Variants in ANO1 observed in about 807,000 individuals in gnomAD.
The protein encoded by ANO1 is anoctamin 1, also known as anoctamin-1.
In ANO1, 59 loss-of-function variants were observed where a neutral mutation model predicts 124.0. The observed-to-expected ratio is 0.48, with a 90% CI of 0.39 to 0.59. ANO1 has a LOEUF of 0.59. ANO1 is among the 20% of genes least tolerant of loss of function. The pLI, the probability that ANO1 is intolerant of heterozygous loss-of-function variation, is 0.00. For synonymous variants in ANO1, 529 were observed against 532.0 expected (o/e 0.99, Z 0.08); for missense variants, 1,059 against 1,328.0 (o/e 0.80, Z 3.15).
At chr11:70,007,378 G>A (rs1555000264) in intron 1 of ANO1, among the ~76,000 whole-genome samples, 3 of 149,458 alleles carry the variant, frequency 2.0e-5, no homozygotes, top group South Asian at 4.3e-4. Context: ...CCGGGTTCAC[G>A]CCATTCTCCT....
chr11:70,002,461 C>CAAAAAAA (rs56246522), intron 1 of ANO1, among the ~76,000 whole-genome samples: 1 of 94,956 alleles, frequency 1.1e-5, no homozygotes, highest in African/African-American at 3.6e-5. Flanking sequence ...GAGACTCCAC[C>CAAAAAAA]AAAAAAAAAA....
intron 2 of ANO1, among the ~76,000 whole-genome samples, chr11:70,098,331 C>T (rs1226065394): frequency 1.3e-5 from 2 of 152,204 alleles, no homozygotes; most frequent in African/African-American, 4.8e-5. Flanking sequence ...CCTGGGCTTT[C>T]CCCTGCACCC....
intron 1 of ANO1, among the ~76,000 whole-genome samples, chr11:70,014,410 C>T (rs1379449217): frequency 6.6e-6 from 1 of 152,132 alleles, no homozygotes; most frequent in African/African-American, 2.4e-5. Flanking sequence ...AGAGCTTATC[C>T]TTGTGTGCCC....
chr11:69,987,105 G>A (rs1399715784), intron 1 of ANO1, among the ~76,000 whole-genome samples: 1 of 152,130 alleles, frequency 6.6e-6, no homozygotes, highest in African/African-American at 2.4e-5. Flanking sequence ...GCCGGGTCTG[G>A]CTTCTTTCTA....
rs1226540367 is a variant in ANO1, at chr11:70,145,219, C to T, written c.1259-4491C>T. ...CCAGCTTTGAGGACTGGCCACCAGG[C>T]GCAGCACGAGCCTTCACATTCCTTT... On this transcript the variant is annotated intron_variant, in intron 11 of 25. Coordinates refer to ENST00000355303, the MANE Select transcript of ANO1 (RefSeq NM_018043.7). 2.6e-5 allele frequency among the ~76,000 whole-genome samples: 4 copies of T among 152,272 alleles called. No homozygotes were observed. The South Asian group carries it at 6.2e-4, about 24-fold the overall frequency.
Position 70,095,248 on chromosome 11 carries a change from AAAGGAAGGAAGG to A in ANO1, c.441+7207_441+7218del, listed in dbSNP as rs71046578. ...AGAGAGAGAGGAAAGAAAGAAAAAG[AAAGGAAGGAAGG>A]AAGGAAGGAAGGAAGGAAGGAAGGA... On this transcript the variant is annotated intron_variant, in intron 2 of 25. Transcript: ENST00000355303. Among the ~76,000 whole-genome samples, 120 of 36,986 alleles carry A rather than the reference AAAGGAAGGAAGG, an allele frequency of 3.2e-3. 2 individuals carry two copies. The highest frequency in any genetic ancestry group is 0.011 in the African/African-American group (98 of 9,032). 24.3% of individuals were successfully genotyped at this position (36,986 alleles called of 152,430 possible). A position where few individuals can be genotyped will look rare whatever the true frequency, so the allele number is the denominator to read the frequency against.
intron 6 of ANO1, among the ~76,000 whole-genome samples, chr11:70,111,442 G>A (rs73527870): frequency 0.12 from 17,873 of 152,178 alleles, 1,128 homozygotes; most frequent in South Asian, 0.26. Flanking sequence ...AGACAGAGCC[G>A]CCTCTTGGGG....
rs144496969 is a variant in ANO1 at position 70,152,959 on chromosome 11, G to A, written c.1354-98G>A. On this transcript the variant is annotated intron_variant, in intron 13 of 25. Coordinates refer to ENST00000355303, the MANE Select transcript of ANO1 (RefSeq NM_018043.7). ...TATGAACTGGACCCAAAGGGTGCCC[G>A]AGGCTAATACATGGACTGATTTGCC... 6.6e-4 allele frequency: 689 copies of A among 1,047,850 alleles called. 2 individuals are homozygous for A. In the African/African-American group the frequency reaches 9.5e-3, roughly 14 times the overall value. The allele number at this position is 1,047,850 out of a possible 1,614,324, so 64.9% of individuals were successfully genotyped here.
chr11:70,105,472 G>C (rs2045484806), intron 4 of ANO1, among the ~76,000 whole-genome samples: 1 of 151,714 alleles, frequency 6.6e-6, no homozygotes, highest in African/African-American at 2.4e-5. Context: ...GGGGTGGGGG[G>C]CTGGAGGGTG....
At chr11:69,982,449 T>G (rs1365322811), upstream of ANO1, among the ~76,000 whole-genome samples, 1 of 152,214 alleles carries the variant, frequency 6.6e-6, no homozygotes, top group African/African-American at 2.4e-5. Flanking sequence ...AATCGGCTCT[T>G]CTGGGAGCAG....
intron 6 of ANO1, 67 bp from the exon 7 acceptor site, chr11:70,111,639 TG>T: frequency 3.3e-6 from 5 of 1,509,344 alleles, no homozygotes; most frequent in Non-Finnish European, 4.6e-6. Context: ...CTGTGACCGC[TG>T]TGACTTTACA....
chr11:70,137,152 A>G lies in ANO1; in HGVS notation c.1258+5073A>G, dbSNP rs1366253814. Among the ~76,000 whole-genome samples the G allele has an allele frequency of 1.4e-5, 2 of 147,410 alleles. 1 individual carries two copies. The highest frequency in any genetic ancestry group is 3.0e-5 in the Non-Finnish European group (2 of 66,186). On this transcript the variant is annotated intron_variant, in intron 11 of 25. Transcript: ENST00000355303. ...CAAAATGTATCGTAAATTTAGAATT[A>G]TAAATGTAGGGTCAGCAGCAGTCTG... is the stretch of plus-strand genomic sequence containing the variant.
chr11:70,066,618 T>C (rs1371854613), intron 1 of ANO1, among the ~76,000 whole-genome samples: 1 of 146,858 alleles, frequency 6.8e-6, no homozygotes, highest in African/African-American at 2.5e-5. Context: ...CTCTCCTTGG[T>C]GATTTGGTGG....
chr11:70,048,840 G>C (rs1021644386), intron 1 of ANO1, among the ~76,000 whole-genome samples: 7 of 152,022 alleles, frequency 4.6e-5, no homozygotes, highest in Admixed American at 1.3e-4. Context: ...TATCCCTTGG[G>C]GGGGCCTACT....
At chr11:70,039,786 T>G (rs1374872755) in intron 1 of ANO1, among the ~76,000 whole-genome samples, 1 of 152,188 alleles carries the variant, frequency 6.6e-6, no homozygotes, top group East Asian at 1.9e-4. Context: ...AATAGAACAA[T>G]GCAGAAAGGA....
At chr11:70,013,000 C>A (rs61886393) in intron 1 of ANO1, among the ~76,000 whole-genome samples, 1 of 152,042 alleles carries the variant, frequency 6.6e-6, no homozygotes, top group Non-Finnish European at 1.5e-5. Context: ...CTGAGAGGGG[C>A]GCAATGAAGG....
chr11:69,984,443 A>G (rs1554996623), upstream of ANO1, among the ~76,000 whole-genome samples: 1 of 116,520 alleles, frequency 8.6e-6, no homozygotes, highest in African/African-American at 3.4e-5. Context: ...ATGGCAGGTC[A>G]CCTTTCTTTC....
At chr11:70,036,795 G>A (rs1321602124) in intron 1 of ANO1, among the ~76,000 whole-genome samples, 2 of 152,168 alleles carry the variant, frequency 1.3e-5, no homozygotes, top group African/African-American at 4.8e-5. Context: ...TTTTAGTAGA[G>A]ATGGGGTTTC....
At position 70,087,945 on chromosome 11, in the gene ANO1, T is replaced by G. The variant is rs553145539; in HGVS notation, c.302T>G (p.Leu101Arg). The G allele has an allele frequency of 3.1e-6, 5 of 1,601,164 alleles. No homozygotes were observed. Among genetic ancestry groups the G allele is most frequent in the Admixed American group, 1.7e-5 (1 of 58,608 alleles). Reference protein sequence around the residue: ...GARSVKQDHPLPGKGASLDAG... With the variant: ...GARSVKQDHPRPGKGASLDAG... ...CGCAGCGTCAAGCAGGACCACCCCC[T>G]GCCGGGCAAGGGGGCGTCGCTGGAT... is the stretch of plus-strand genomic sequence containing the variant. The change falls in exon 2 of 26, where the codon CTG becomes CGG. Residue 101 changes from leucine (L) to arginine (R), a missense_variant. Leu to Arg is a moderately radical substitution (Grantham distance 102, BLOSUM62 -2). This residue lies in a region of ANO1 where 250 missense variants were observed against 233.1 expected (regional missense o/e 1.07). Coordinates refer to ENST00000355303, the MANE Select transcript of ANO1 (RefSeq NM_018043.7).
Sources: allele counts gnomAD v4.1 joint callset (sites outside exome capture counted in the v4.1 genomes callset), GRCh38; gene constraint gnomAD v4.1.1; regional missense constraint gnomAD v4.1.1; transcripts MANE v1.5; gene names NCBI Gene and HGNC (gene_info 2026-07-23, HGNC 2026-07-21).